Variants in SCAF4 observed in about 807,000 individuals in gnomAD.
The protein encoded by SCAF4 is SR-related CTD associated factor 4.
Under a neutral mutation model 129.8 loss-of-function variants are expected in SCAF4, and 25 were observed. The ratio of observed to expected loss-of-function variants is 0.19; its 90% CI spans 0.14 to 0.27. SCAF4 has a LOEUF of 0.27. Ranked by LOEUF, SCAF4 falls within the 10% of genes least tolerant of loss-of-function variation. The probability of loss-of-function intolerance (pLI) is 1.00; values close to 1 mark genes in which losing one functional copy is unlikely to be tolerated. For missense variants in SCAF4, 1,246 were observed against 1,457.1 expected, an observed-to-expected ratio of 0.86 and a Z score of 2.36; for synonymous variants, 551 against 497.7, an observed-to-expected ratio of 1.11 and a Z score of -1.43.
intron 7 of SCAF4, chr21:31,700,680 G>A (rs1474473162): frequency 2.9e-6 from 1 of 347,706 alleles, no homozygotes; most frequent in African/African-American, 2.2e-5. Context: ...ATGTTACACA[G>A]TAATCCCCAA....
intron 1 of SCAF4, among the ~76,000 whole-genome samples, chr21:31,717,841 A>ATATATATATATATATATATATATATATG (rs1368659249): frequency 3.6e-5 from 3 of 83,330 alleles, no homozygotes; most frequent in Admixed American, 3.0e-4. Flanking sequence ...ATATATATAT[A>ATATATATATATATATATATATATATATG]TACACACACA....
chr21:31,694,940 A>T lies in SCAF4; in HGVS notation c.1109T>A (p.Leu370His). Residue 370 changes from leucine (L) to histidine (H), a missense_variant, in exon 10 of 20, where the codon CTT becomes CAT. Leu to His is a moderately conservative substitution (Grantham distance 99). Coordinates refer to ENST00000286835, the MANE Select transcript of SCAF4 (RefSeq NM_020706.2). ...GGGAGGAAATGGAGGTGTAGGAAGA[A>T]GTCCAAATCCTGGCATTTGTCCATT... ...PPNGQMPGFGLLPTPPFPPMA... is the reference protein window; with the variant it reads ...PPNGQMPGFGHLPTPPFPPMA... 6.2e-7 allele frequency: 1 copy of T among 1,614,128 alleles called. No homozygotes were observed. Among genetic ancestry groups the T allele is most frequent in the Non-Finnish European group, 8.5e-7 (1 of 1,179,946 alleles).
At chr21:31,707,509 A>C (rs2050696679) in intron 1 of SCAF4, among the ~76,000 whole-genome samples, 1 of 152,218 alleles carries the variant, frequency 6.6e-6, no homozygotes, top group South Asian at 2.1e-4. Flanking sequence ...TAAAGATAAA[A>C]TCCTGACATT....
chr21:31,731,816 G>C lies in SCAF4; in HGVS notation c.-124C>G. The C allele has an allele frequency of 8.6e-7, 1 of 1,164,566 alleles. No individual in the cohort carries two copies. The highest frequency in any genetic ancestry group is 1.1e-6 in the Non-Finnish European group (1 of 877,320). 72.1% of individuals were successfully genotyped at this position (1,164,566 alleles called of 1,614,324 possible). ...GGGGAGGCGACGAGCGGCGGAGTCCGAGGCCCGGGCAGGAAGAGGCTGCGC... is the reference window on the plus strand; with the variant it reads ...GGGGAGGCGACGAGCGGCGGAGTCCCAGGCCCGGGCAGGAAGAGGCTGCGC... On this transcript the variant is annotated 5_prime_UTR_variant, in exon 1 of 20. Coordinates refer to ENST00000286835, the MANE Select transcript of SCAF4 (RefSeq NM_020706.2).
chr21:31,695,738 G>T (rs996829162), intron 9 of SCAF4, among the ~76,000 whole-genome samples: 13 of 152,160 alleles, frequency 8.5e-5, no homozygotes, highest in African/African-American at 2.9e-4. Flanking sequence ...TTTTATTGCG[G>T]ATTTCAAACT....
intron 1 of SCAF4, 26 bp from the exon 2 acceptor site, chr21:31,706,383 A>C: frequency 2.0e-6 from 3 of 1,493,672 alleles, no homozygotes; most frequent in Non-Finnish European, 2.8e-6. Context: ...ACAAACAAAA[A>C]GTAAAGTTTA....
At chr21:31,685,872 G>A in intron 16 of SCAF4, 139 bp from the exon 17 acceptor site, 1 of 787,100 alleles carries the variant, frequency 1.3e-6, no homozygotes, top group East Asian at 2.8e-5. Flanking sequence ...TTAAATAACA[G>A]GTGGTAGTTA....
chr21:31,678,529 C>T (rs2049918603), intron 19 of SCAF4, among the ~76,000 whole-genome samples: 1 of 152,076 alleles, frequency 6.6e-6, no homozygotes, highest in South Asian at 2.1e-4. Context: ...TTAAAAACTG[C>T]ACATCAGATC....
Position 31,685,432 on chromosome 21 carries a change from A to C in SCAF4, c.2262T>G (p.Pro754=), listed in dbSNP as rs527835227. The C allele has an allele frequency of 2.5e-6, 4 of 1,613,410 alleles. No individual in the cohort carries two copies. The African/African-American group carries it at 5.3e-5, about 22-fold the overall frequency. Residue 754 remains proline (P), a synonymous_variant, in exon 18 of 20, where the codon CCT becomes CCG. Transcript: ENST00000286835. ...PPPITPPVSI[P]PPHTPPISIP... is the part of the protein sequence containing the mutation. ...TGCTTATTGGTGGAGTGTGAGGAGG[A>C]GGAATGGATACTGGTGGAGTTATAG... is the stretch of plus-strand genomic sequence containing the variant.
intron 7 of SCAF4, among the ~76,000 whole-genome samples, chr21:31,697,572 C>T (rs942956464): frequency 6.6e-6 from 1 of 152,164 alleles, no homozygotes; most frequent in Non-Finnish European, 1.5e-5. Flanking sequence ...GGACACTAGT[C>T]CTTTTGACTT....
At chr21:31,693,596 G>A in intron 11 of SCAF4, 112 bp from the exon 12 acceptor site, 1 of 584,856 alleles carries the variant, frequency 1.7e-6, no homozygotes, top group African/African-American at 1.9e-5. Context: ...GTTTGGGTAT[G>A]TAAGAATGCA....
chr21:31,722,876 C>G (rs887339158), intron 1 of SCAF4, among the ~76,000 whole-genome samples: 1 of 152,130 alleles, frequency 6.6e-6, no homozygotes, highest in African/African-American at 2.4e-5. Context: ...CCGCTTGAAC[C>G]CAGGAGGCGG....
In SCAF4 at chr21:31,731,893, CCT is replaced by C. The variant is rs1311462044; in HGVS notation, c.-203_-202del. The stretch of plus-strand genomic sequence containing the variant: ...GCAGAGGCGGAGAGGTGGCGGGCCC[CCT>C]CTCAGTCCCGTTCGCAGGATGAGGA... On this transcript the variant is annotated 5_prime_UTR_variant, in exon 1 of 20. Transcript: ENST00000286835. The C allele has an allele frequency of 2.9e-5, 15 of 511,806 alleles. No homozygotes were observed. Among genetic ancestry groups the C allele is most frequent in the Non-Finnish European group, 4.7e-5 (14 of 298,246 alleles). The allele number at this position is 511,806 out of a possible 1,614,324, so 31.7% of individuals were successfully genotyped here.
Position 31,694,284 on chromosome 21 carries a change from C to T in SCAF4, c.1242G>A (p.Met414Ile), listed in dbSNP as rs761103672. ...CTTGAATACAAGGTTGTTCTACTTC[C>T]ATTTCCTTAAAAAACAAAAACCATG... ...PLTQKPHQQE[M>I]EVEQPCIQEV... The change falls in exon 11 of 20, where the codon ATG becomes ATA. Residue 414 changes from methionine (M) to isoleucine (I), a missense_variant. This residue lies in a region of SCAF4 where 236 missense variants were observed against 210.0 expected (regional missense o/e 1.12). Transcript: ENST00000286835. 2.5e-6 allele frequency: 4 copies of T among 1,592,350 alleles called. No individual in the cohort carries two copies. The highest frequency in any genetic ancestry group is 3.4e-6 in the Non-Finnish European group (4 of 1,165,938).
intron 19 of SCAF4, among the ~76,000 whole-genome samples, chr21:31,681,994 T>C (rs113559629): frequency 0.016 from 2,430 of 152,282 alleles, 73 homozygotes; most frequent in African/African-American, 0.055. Flanking sequence ...AAACTACAGA[T>C]ATCTAGTAGG....
chr21:31,682,342 G>A (rs1037988247), intron 19 of SCAF4, among the ~76,000 whole-genome samples: 2 of 150,702 alleles, frequency 1.3e-5, no homozygotes, highest in African/African-American at 4.9e-5. Flanking sequence ...TTGCGCCACT[G>A]CACTCCAACC....
At chr21:31,678,297 AGT>A (rs1296783532) in intron 19 of SCAF4, among the ~76,000 whole-genome samples, 3 of 152,166 alleles carry the variant, frequency 2.0e-5, no homozygotes, top group African/African-American at 7.2e-5. Context: ...ATAAAAAACG[AGT>A]CATTCTTGAC....
At chr21:31,679,907 A>C (rs2049957028) in intron 19 of SCAF4, among the ~76,000 whole-genome samples, 1 of 152,240 alleles carries the variant, frequency 6.6e-6, no homozygotes, top group Non-Finnish European at 1.5e-5. Flanking sequence ...TAATTGACAA[A>C]GTGCAATAGC....
intron 19 of SCAF4, among the ~76,000 whole-genome samples, chr21:31,682,601 T>C (rs1568827035): frequency 6.6e-6 from 1 of 152,200 alleles, no homozygotes; most frequent in Non-Finnish European, 1.5e-5. Context: ...GCCCATTAAA[T>C]CATCGTGACA....
Sources: allele counts gnomAD v4.1 joint callset (sites outside exome capture counted in the v4.1 genomes callset), GRCh38; gene constraint gnomAD v4.1.1; regional missense constraint gnomAD v4.1.1; transcripts MANE v1.5; gene names NCBI Gene and HGNC (gene_info 2026-07-23, HGNC 2026-07-21).